The following MED12L variants were observed in gnomAD, a reference collection of about 807,000 sequenced individuals.
MED12L encodes mediator of RNA polymerase II transcription subunit 12-like protein.
Under a neutral mutation model 281.3 loss-of-function variants are expected in MED12L, and 60 were observed. The observed-to-expected ratio is 0.21, with a 90% CI of 0.17 to 0.26. The LOEUF is 0.26. Ranked by LOEUF, MED12L falls within the 10% of genes least tolerant of loss-of-function variation. The pLI is 1.00. For synonymous variants in MED12L, 974 were observed against 987.2 expected (o/e 0.99, Z 0.25); for missense variants, 2,146 against 2,680.9 (o/e 0.80, Z 4.41).
chr3:151,432,566 G>A, intron 44 of MED12L, 186 bp from the exon 45 acceptor site: 1 of 495,544 alleles, frequency 2.0e-6, no homozygotes, highest in East Asian at 3.1e-5. Context: ...GTGAATAAAG[G>A]TGTCCCCTCT....
rs537779176 is a variant in MED12L at position 151,121,936 on chromosome 3, A to C, written c.205-847A>C. ...ACTGTGTTGGCCAGGCTGGTCTCGA[A>C]CTCTTGACCTCAGGTGATCCGCCTG... On this transcript the variant is annotated intron_variant, in intron 3 of 44. Transcript: ENST00000687756. Among the ~76,000 whole-genome samples the C allele has an allele frequency of 3.3e-5, 5 of 151,522 alleles. No homozygotes were observed. In the East Asian group the frequency reaches 9.7e-4, roughly 29 times the overall value.
At chr3:151,269,358 C>G (rs1187885030) in intron 16 of MED12L, 1 of 165,128 alleles carries the variant, frequency 6.1e-6, no homozygotes, top group African/African-American at 2.5e-5. Context: ...TGAGATCGTG[C>G]CATTGCACTC....
intron 38 of MED12L, 144 bp from the exon 39 acceptor site, chr3:151,394,512 A>G (rs1714703482): frequency 8.0e-7 from 1 of 1,243,688 alleles, no homozygotes; most frequent in Non-Finnish European, 1.1e-6. Flanking sequence ...GGTCTATAAT[A>G]TTTGTGGCAG....
intron 16 of MED12L, among the ~76,000 whole-genome samples, chr3:151,274,929 G>C (rs147073615): frequency 6.6e-6 from 1 of 152,178 alleles, no homozygotes; most frequent in Non-Finnish European, 1.5e-5. Flanking sequence ...TATCCCTAGA[G>C]TGAGAAGGGG....
chr3:151,387,257 C>T (rs1227038732), intron 36 of MED12L, among the ~76,000 whole-genome samples: 1 of 150,198 alleles, frequency 6.7e-6, no homozygotes, highest in Non-Finnish European at 1.5e-5. Flanking sequence ...TTTACTTATT[C>T]CTGCTGCTAC....
chr3:151,369,725 C>T (rs1424111834), intron 26 of MED12L, among the ~76,000 whole-genome samples, 176 bp downstream of exon 26: 4 of 152,114 alleles, frequency 2.6e-5, no homozygotes, highest in Non-Finnish European at 5.9e-5. Flanking sequence ...TCTGGAAGAT[C>T]CTGTCCCTTA....
chr3:151,136,347 C>T (rs191849555), intron 5 of MED12L, among the ~76,000 whole-genome samples: 36 of 152,288 alleles, frequency 2.4e-4, no homozygotes, highest in African/African-American at 7.2e-4. Flanking sequence ...CAGGGACAAG[C>T]GTTTAGTTTT....
intron 16 of MED12L, among the ~76,000 whole-genome samples, chr3:151,303,797 A>C (rs549552035): frequency 6.6e-6 from 1 of 152,146 alleles, no homozygotes; most frequent in Non-Finnish European, 1.5e-5. Flanking sequence ...CCAAAACCAC[A>C]CAGTGGAGTG....
At chr3:151,214,453 C>G (rs1231017298) in intron 16 of MED12L, 2 of 666,522 alleles carry the variant, frequency 3.0e-6, no homozygotes, top group African/African-American at 1.8e-5. Flanking sequence ...ATTTTTGAAG[C>G]CACCTTTTTA....
intron 11 of MED12L, among the ~76,000 whole-genome samples, chr3:151,178,477 G>T (rs1722343832): frequency 6.6e-6 from 1 of 152,222 alleles, no homozygotes; most frequent in South Asian, 2.1e-4. Flanking sequence ...GAAGCCAGAG[G>T]TGCTGGGGGC....
intron 5 of MED12L, among the ~76,000 whole-genome samples, chr3:151,138,283 C>A (rs1340631108): frequency 1.3e-5 from 2 of 151,630 alleles, no homozygotes; most frequent in Admixed American, 1.3e-4. Flanking sequence ...TTTGGCCAGT[C>A]CCTTGTTTTT....
chr3:151,359,704 G>T (rs4679802), intron 20 of MED12L, among the ~76,000 whole-genome samples: 2 of 152,050 alleles, frequency 1.3e-5, no homozygotes, highest in South Asian at 2.1e-4. Context: ...AGCTTTTTTC[G>T]TCTTTAATAA....
intron 33 of MED12L, 72 bp downstream of exon 33, chr3:151,382,817 TCTC>T: frequency 6.5e-6 from 8 of 1,231,556 alleles, no homozygotes; most frequent in Admixed American, 2.0e-5. Context: ...GCTTTCCACT[TCTC>T]CTAAGTGCAA....
intron 42 of MED12L, among the ~76,000 whole-genome samples, chr3:151,413,637 AT>A: frequency 6.6e-6 from 1 of 152,224 alleles, no homozygotes; most frequent in African/African-American, 2.4e-5. Flanking sequence ...TAAAAGTGTC[AT>A]AAATGTGAAA....
intron 16 of MED12L, chr3:151,326,264 A>T (rs528621933): frequency 6.5e-6 from 1 of 152,730 alleles, no homozygotes; most frequent in African/African-American, 2.4e-5. Context: ...ATCAATGAGA[A>T]TTGGCTTCCC....
chr3:151,369,676 G>A, intron 26 of MED12L, 127 bp downstream of exon 26: 1 of 588,204 alleles, frequency 1.7e-6, no homozygotes, highest in Non-Finnish European at 2.8e-6. Context: ...TATTCTCCTG[G>A]AAAAATTAGT....
At chr3:151,376,242 T>A in intron 28 of MED12L, 28 bp downstream of exon 28, 1 of 1,359,834 alleles carries the variant, frequency 7.4e-7, no homozygotes, top group Non-Finnish European at 9.6e-7. Flanking sequence ...TGTGTTTCTG[T>A]CATTTGATAA....
Position 151,343,872 on chromosome 3 carries a change from T to C in MED12L, c.2251-6187T>C, listed in dbSNP as rs376390210. 2.6e-4 allele frequency among the ~76,000 whole-genome samples: 39 copies of C among 152,316 alleles called. 1 individual carries two copies. Among genetic ancestry groups the C allele is most frequent in the African/African-American group, 9.1e-4 (38 of 41,572 alleles). ...TTGGAACTGGGCAGGAGGATAGAGA[T>C]ATAATTATGACATTTGATAGCTCTT... is the stretch of plus-strand genomic sequence containing the variant. On this transcript the variant is annotated intron_variant, in intron 16 of 44. Coordinates refer to ENST00000687756, the MANE Select transcript of MED12L (RefSeq NM_001393769.1).
rs201120963 is a variant in MED12L, at chr3:151,219,904, CCT to C, written c.2250+26239_2250+26240del. Among the ~76,000 whole-genome samples the C allele has an allele frequency of 1.3e-3, 120 of 90,542 alleles. 1 individual carries two copies. The Admixed American group carries it at 0.014, about 10-fold the overall frequency. 59.4% of individuals were successfully genotyped at this position (90,542 alleles called of 152,430 possible). A position where few individuals can be genotyped will look rare whatever the true frequency, so the allele number is the denominator to read the frequency against. ...TTGGTTTATATTACCCCCCCCCCCC[CCT>C]TGGATATGGATGATCGAATCAATTT... On this transcript the variant is annotated intron_variant, in intron 16 of 44. Coordinates refer to ENST00000687756, the MANE Select transcript of MED12L (RefSeq NM_001393769.1).
Sources: gnomAD v4.1 joint callset for allele counts (sites outside exome capture counted in the v4.1 genomes callset) on GRCh38, gnomAD v4.1.1 for gene constraint, MANE v1.5 for transcripts, NCBI Gene and HGNC (gene_info 2026-07-23, HGNC 2026-07-21) for gene names.